The following NBEA variants were observed in gnomAD, a reference collection of about 807,000 sequenced individuals.
NBEA encodes the protein lysosomal-trafficking regulator 2.
A neutral mutation model predicts 343.4 loss-of-function variants in NBEA; 44 were observed. That is an observed-to-expected ratio of 0.13 (90% CI 0.10 to 0.16). The LOEUF is 0.16. Among genes scored for constraint, NBEA ranks in the 10% least tolerant of loss-of-function variants. The pLI, the probability that NBEA is intolerant of heterozygous loss-of-function variation, is 1.00. For missense variants in NBEA, 2,555 were observed against 3,631.3 expected (o/e 0.70, Z 7.62); for synonymous variants, 1,175 against 1,238.7 (o/e 0.95, Z 1.08).
rs574240313 is a variant in NBEA at position 35,179,443 on chromosome 13, C to A, written c.4662+2340C>A. Among the ~76,000 whole-genome samples the A allele has an allele frequency of 1.4e-4, 21 of 150,868 alleles. 1 individual carries two copies. In the South Asian group the frequency reaches 1.9e-3, roughly 13 times the overall value. ...AATTTGTATAAAAATTTAGTCATTC[C>A]CCAGATGTTTAGCCTCTATGTATAC... On this transcript the variant is annotated intron_variant, in intron 28 of 58. Transcript: ENST00000379939.
chr13:35,401,663 A>G (rs1337151890), intron 38 of NBEA, among the ~76,000 whole-genome samples: 2 of 152,076 alleles, frequency 1.3e-5, no homozygotes, highest in Non-Finnish European at 2.9e-5. Flanking sequence ...ATCTTTAAAT[A>G]GTTCAGAATC....
chr13:35,039,058 T>C (rs1479446429), intron 1 of NBEA, among the ~76,000 whole-genome samples: 2 of 152,188 alleles, frequency 1.3e-5, no homozygotes, highest in Admixed American at 1.3e-4. Flanking sequence ...GTATCAGTGA[T>C]TCCCCTCTGG....
chr13:35,300,953 T>TA (rs960100950), intron 35 of NBEA, among the ~76,000 whole-genome samples: 222 of 150,362 alleles, frequency 1.5e-3, no homozygotes, highest in African/African-American at 4.7e-3. Context: ...CTAAATATGG[T>TA]AAAAAAAAAA....
intron 1 of NBEA, among the ~76,000 whole-genome samples, chr13:34,946,006 T>C (rs2059174657): frequency 6.6e-6 from 1 of 152,214 alleles, no homozygotes; most frequent in Non-Finnish European, 1.5e-5. Context: ...CAATGTGATA[T>C]GATATAAAAT....
At chr13:35,213,090 G>A (rs1593773242) in intron 33 of NBEA, among the ~76,000 whole-genome samples, 1 of 151,954 alleles carries the variant, frequency 6.6e-6, no homozygotes, top group East Asian at 1.9e-4. Flanking sequence ...CATTTTCCCT[G>A]TCTTGCCTTC....
chr13:35,127,002 G>C (rs1213113843), intron 17 of NBEA, among the ~76,000 whole-genome samples: 1 of 151,356 alleles, frequency 6.6e-6, no homozygotes, highest in East Asian at 1.9e-4. Context: ...GGAACAAAAC[G>C]AATATTTAAA....
intron 34 of NBEA, among the ~76,000 whole-genome samples, chr13:35,242,018 AAG>A (rs557502780): frequency 3.0e-4 from 45 of 152,058 alleles, no homozygotes; most frequent in African/African-American, 1.0e-3. Flanking sequence ...CACTCAAAGA[AAG>A]AGAGAAACAT....
chr13:35,229,265 C>T (rs955377167), intron 33 of NBEA, among the ~76,000 whole-genome samples: 2 of 152,090 alleles, frequency 1.3e-5, no homozygotes, highest in African/African-American at 2.4e-5. Context: ...CTCCTGGGCT[C>T]AAGCCATTCT....
chr13:35,637,229 C>A (rs1038045574), intron 49 of NBEA, among the ~76,000 whole-genome samples: 1 of 152,110 alleles, frequency 6.6e-6, no homozygotes, highest in Non-Finnish European at 1.5e-5. Flanking sequence ...AAATGCAAAT[C>A]AAAGCTGCAG....
intron 46 of NBEA, among the ~76,000 whole-genome samples, chr13:35,584,319 T>TC (rs2081189813): frequency 6.6e-6 from 1 of 150,854 alleles, no homozygotes; most frequent in African/African-American, 2.4e-5. Flanking sequence ...CATACCTTTT[T>TC]TTTTTTTTTT....
intron 45 of NBEA, among the ~76,000 whole-genome samples, chr13:35,567,218 A>T (rs2055404428): frequency 6.6e-6 from 1 of 152,226 alleles, no homozygotes; most frequent in Admixed American, 6.5e-5. Context: ...AGCATAGGCA[A>T]AATGAAATGG....
At chr13:35,398,809 A>G (rs1301523859) in intron 38 of NBEA, among the ~76,000 whole-genome samples, 3 of 152,028 alleles carry the variant, frequency 2.0e-5, no homozygotes, top group African/African-American at 7.2e-5. Flanking sequence ...TTTGGCTTCA[A>G]CTTCAAGTTG....
intron 47 of NBEA, among the ~76,000 whole-genome samples, chr13:35,598,521 G>T (rs984340010): frequency 2.6e-5 from 4 of 152,148 alleles, no homozygotes; most frequent in Admixed American, 1.3e-4. Context: ...GAAAGTTAGG[G>T]CCAAAGCCTC....
At chr13:35,327,321 G>C (rs2038631632) in intron 36 of NBEA, among the ~76,000 whole-genome samples, 1 of 152,168 alleles carries the variant, frequency 6.6e-6, no homozygotes, top group South Asian at 2.1e-4. Context: ...GAAAACACAT[G>C]TACACGTATG....
intron 40 of NBEA, among the ~76,000 whole-genome samples, chr13:35,469,099 CAAAAAA>C (rs34222156): frequency 3.8e-4 from 32 of 85,028 alleles, no homozygotes; most frequent in Middle Eastern, 8.8e-3. Context: ...GACTCTATCT[CAAAAAA>C]AAAAAAAAAA....
At chr13:35,107,031 G>A (rs2065953627) in intron 11 of NBEA, among the ~76,000 whole-genome samples, 1 of 151,778 alleles carries the variant, frequency 6.6e-6, no homozygotes, top group African/African-American at 2.4e-5. Context: ...TTAAGTGTAA[G>A]AGTAGAATGT....
chr13:35,491,000 A>T (rs954928320), intron 41 of NBEA, among the ~76,000 whole-genome samples: 6 of 151,984 alleles, frequency 3.9e-5, no homozygotes, highest in Non-Finnish European at 8.8e-5. Context: ...GTTGTTGCAC[A>T]GGTTAAATAA....
intron 18 of NBEA, among the ~76,000 whole-genome samples, chr13:35,143,450 C>G (rs1032036571): frequency 6.6e-6 from 1 of 152,138 alleles, no homozygotes; most frequent in African/African-American, 2.4e-5. Flanking sequence ...GATTTTTAAT[C>G]TCACACTTTG....
At chr13:35,040,746 G>A (rs1000308429) in intron 1 of NBEA, among the ~76,000 whole-genome samples, 187 bp from the exon 2 acceptor site, 1 of 151,916 alleles carries the variant, frequency 6.6e-6, no homozygotes, top group African/African-American at 2.4e-5. Context: ...ATTTCTGTTT[G>A]CTAGTTTCGA....
Sources: gnomAD v4.1 joint callset for allele counts (sites outside exome capture counted in the v4.1 genomes callset) on GRCh38, gnomAD v4.1.1 for gene constraint, MANE v1.5 for transcripts, NCBI Gene and HGNC (gene_info 2026-07-23, HGNC 2026-07-21) for gene names.